Variants in NR3C1 observed in about 807,000 individuals in gnomAD.
NR3C1 encodes the protein glucocorticoid receptor.
Under a neutral mutation model 74.0 loss-of-function variants are expected in NR3C1, and 14 were observed. The ratio of observed to expected loss-of-function variants is 0.19; its 90% CI spans 0.12 to 0.30. NR3C1 has a LOEUF of 0.30. Ranked by LOEUF, NR3C1 falls within the 10% of genes least tolerant of loss-of-function variation. The probability of loss-of-function intolerance (pLI) is 1.00; values close to 1 mark genes in which losing one functional copy is unlikely to be tolerated. For missense variants in NR3C1, 695 were observed against 909.8 expected, an observed-to-expected ratio of 0.76 and a Z score of 3.04; for synonymous variants, 308 against 332.5, an observed-to-expected ratio of 0.93 and a Z score of 0.80.
chr5:143,405,330 T>C (rs1841042831), upstream of NR3C1: 1 of 985,466 alleles, frequency 1.0e-6, no homozygotes, highest in African/African-American at 1.7e-5. Context: ...AGCCACTCTC[T>C]CACCTCCCGC....
chr5:143,385,076 A>G (rs980874324), intron 2 of NR3C1, among the ~76,000 whole-genome samples: 1 of 152,188 alleles, frequency 6.6e-6, no homozygotes, highest in Non-Finnish European at 1.5e-5. Context: ...GAAGGCTGCC[A>G]AGGTTTGAGG....
chr5:143,302,917 A>G (rs943628246), intron 4 of NR3C1, among the ~76,000 whole-genome samples: 4 of 152,096 alleles, frequency 2.6e-5, no homozygotes, highest in Admixed American at 2.6e-4. Flanking sequence ...AGAAGTGTTC[A>G]TGAGTCTGTG....
At chr5:143,324,420 C>A (rs1401644212) in intron 2 of NR3C1, among the ~76,000 whole-genome samples, 1 of 152,220 alleles carries the variant, frequency 6.6e-6, no homozygotes, top group African/African-American at 2.4e-5. Context: ...TGGCTCCTTT[C>A]AGCCACAGCT....
chr5:143,379,676 A>G (rs761135108), intron 2 of NR3C1, among the ~76,000 whole-genome samples: 91 of 152,212 alleles, frequency 6.0e-4, no homozygotes, highest in Non-Finnish European at 1.1e-3. Flanking sequence ...TAGTTGTTCC[A>G]AGCCTAGGTC....
At position 143,280,901 on chromosome 5, in the gene NR3C1, A is replaced by G. The variant is rs773208301; in HGVS notation, c.*988T>C. ...CTACTTCAAAAGGTCCTGAAAGACA[A>G]ATAGTTTACCAGCTTTCTTGCCATA... On this transcript the variant is annotated 3_prime_UTR_variant, in exon 9 of 9. Coordinates refer to ENST00000394464, the MANE Select transcript of NR3C1 (RefSeq NM_000176.3). 6.6e-6 allele frequency: 1 copy of G among 152,208 alleles called. No individual in the cohort carries two copies. The highest frequency in any genetic ancestry group is 1.5e-5 in the Non-Finnish European group (1 of 68,044). The allele number at this position is 152,208 out of a possible 1,614,324, so 9.4% of individuals were successfully genotyped here. A position where few individuals can be genotyped will look rare whatever the true frequency, so the allele number is the denominator to read the frequency against.
intron 5 of NR3C1, 32 bp from the exon 6 acceptor site, chr5:143,298,844 C>A (rs760701355): frequency 3.1e-6 from 5 of 1,606,312 alleles, no homozygotes. Flanking sequence ...TATGAGGCAA[C>A]ACTCTTCAGA....
At chr5:143,352,289 G>C (rs1379527891) in intron 2 of NR3C1, among the ~76,000 whole-genome samples, 1 of 152,080 alleles carries the variant, frequency 6.6e-6, no homozygotes, top group African/African-American at 2.4e-5. Context: ...GAAGATTACT[G>C]TGTACTTTAT....
At chr5:143,343,966 T>G (rs938708299) in intron 2 of NR3C1, among the ~76,000 whole-genome samples, 1 of 152,204 alleles carries the variant, frequency 6.6e-6, no homozygotes, top group African/African-American at 2.4e-5. Context: ...AAAAGAATAT[T>G]AGTATTAACA....
intron 2 of NR3C1, among the ~76,000 whole-genome samples, chr5:143,386,747 AAAG>A (rs1274493094): frequency 6.6e-6 from 1 of 152,220 alleles, no homozygotes; most frequent in Non-Finnish European, 1.5e-5. Context: ...GCATTTGCAA[AAAG>A]AAGAACAAAT....
At chr5:143,304,153 C>T (rs1053680655) in intron 4 of NR3C1, among the ~76,000 whole-genome samples, 1 of 151,966 alleles carries the variant, frequency 6.6e-6, no homozygotes, top group African/African-American at 2.4e-5. Flanking sequence ...TGATTCTATA[C>T]CTAGAAAACC....
chr5:143,402,788 G>A (rs1242280037), intron 1 of NR3C1: 4 of 985,318 alleles, frequency 4.1e-6, no homozygotes, highest in Non-Finnish European at 3.6e-6. Flanking sequence ...CCGGGGTGGC[G>A]TGCAAATATT....
intron 7 of NR3C1, among the ~76,000 whole-genome samples, chr5:143,284,813 A>T (rs1245922969): frequency 6.6e-6 from 1 of 152,212 alleles, no homozygotes; most frequent in Non-Finnish European, 1.5e-5. Context: ...CTAGCCCAGG[A>T]GTAAGAAATC....
intron 2 of NR3C1, among the ~76,000 whole-genome samples, chr5:143,314,821 C>T (rs995853035): frequency 3.3e-5 from 5 of 152,140 alleles, no homozygotes; most frequent in African/African-American, 1.2e-4. Flanking sequence ...GAAGACTGAT[C>T]CAGAAACATT....
chr5:143,397,324 G>C (rs1233802962), intron 2 of NR3C1, among the ~76,000 whole-genome samples: 3 of 151,776 alleles, frequency 2.0e-5, no homozygotes, highest in Non-Finnish European at 4.4e-5. Context: ...TATTCAAGTT[G>C]TGGTCTCAAT....
intron 2 of NR3C1, among the ~76,000 whole-genome samples, chr5:143,373,222 T>G (rs1050458557): frequency 6.6e-6 from 1 of 152,058 alleles, no homozygotes; most frequent in African/African-American, 2.4e-5. Context: ...TATAATTCCC[T>G]TGGGGAAAAA....
At chr5:143,345,269 G>C (rs1190212157) in intron 2 of NR3C1, among the ~76,000 whole-genome samples, 3 of 152,192 alleles carry the variant, frequency 2.0e-5, no homozygotes, top group African/African-American at 7.2e-5. Flanking sequence ...GAGTGCAGGG[G>C]CACAATCTCG....
At chr5:143,388,648 G>T (rs770075377) in intron 2 of NR3C1, among the ~76,000 whole-genome samples, 1 of 152,170 alleles carries the variant, frequency 6.6e-6, no homozygotes, top group Non-Finnish European at 1.5e-5. Context: ...CTTTTACAGA[G>T]CTGACATTTA....
At chr5:143,294,187 A>C in intron 7 of NR3C1, 1 of 984,968 alleles carries the variant, frequency 1.0e-6, no homozygotes, top group Non-Finnish European at 1.2e-6. Context: ...ATAAAATCAC[A>C]GTCTTGTGCA....
At chr5:143,284,189 G>A (rs576542079) in intron 7 of NR3C1, among the ~76,000 whole-genome samples, 11 of 152,034 alleles carry the variant, frequency 7.2e-5, no homozygotes, top group East Asian at 1.9e-4. Flanking sequence ...AAGCAATTCC[G>A]CTCACCTTGG....
Sources: allele counts gnomAD v4.1 joint callset (sites outside exome capture counted in the v4.1 genomes callset), GRCh38; gene constraint gnomAD v4.1.1; transcripts MANE v1.5; gene names NCBI Gene and HGNC (gene_info 2026-07-23, HGNC 2026-07-21).